Variants in HTR2C observed in about 807,000 individuals in gnomAD.
HTR2C encodes the protein 5-hydroxytryptamine receptor 2C, also known as 5-hydroxytryptamine (serotonin) receptor 2C, G protein-coupled.
A neutral mutation model predicts 21.0 loss-of-function variants in HTR2C; 5 were observed. The ratio of observed to expected loss-of-function variants is 0.24; its 90% confidence interval spans 0.12 to 0.50. HTR2C has a LOEUF of 0.50. Among genes scored for constraint, HTR2C ranks in the 20% least tolerant of loss-of-function variants. The pLI is 0.98. For synonymous variants in HTR2C, 150 were observed against 145.3 expected, an observed-to-expected ratio of 1.03 and a Z score of -0.23; for missense variants, 271 against 371.2, an observed-to-expected ratio of 0.73 and a Z score of 2.22.
At chrX:114,715,243 T>C (rs781890498) in intron 2 of HTR2C, 3 of 368,145 alleles carry the variant, frequency 8.1e-6, no homozygotes, top group Non-Finnish European at 1.1e-5. Context: ...AGACGAGGAG[T>C]TAAGAGTTCA....
intron 4 of HTR2C, among the ~76,000 whole-genome samples, chrX:114,779,368 A>G (rs1356766332): frequency 2.7e-5 from 3 of 111,635 alleles, no homozygotes; most frequent in African/African-American, 9.8e-5. Context: ...AGGTACTAAA[A>G]GAAGACTTCT....
At chrX:114,881,007 T>C (rs1282436547) in intron 5 of HTR2C, among the ~76,000 whole-genome samples, 1 of 110,992 alleles carries the variant, frequency 9.0e-6, no homozygotes, top group Admixed American at 9.6e-5. Context: ...CTTCTTTACA[T>C]CCTTGTCAAT....
Position 114,775,134 on chromosome X carries a change from A to G in HTR2C, c.349+43527A>G. 7.7e-6 allele frequency: 4 copies of G among 522,742 alleles called. No homozygotes were observed. The South Asian group carries it at 9.1e-5, about 12-fold the overall frequency. The allele number at this position is 522,742 out of a possible 1,213,427, so 43.1% of individuals were successfully genotyped here. A position where few individuals can be genotyped will look rare whatever the true frequency, so the allele number is the denominator to read the frequency against. ...TGACTGTTGCTTTCATGTGGAATGCATAGGACTCAAGTGAATTCTTGGATG... is the reference window on the plus strand; with the variant it reads ...TGACTGTTGCTTTCATGTGGAATGCGTAGGACTCAAGTGAATTCTTGGATG... On this transcript the variant is annotated intron_variant, in intron 4 of 5. Transcript: ENST00000276198.
At chrX:114,704,737 T>C (rs1354658757) in intron 2 of HTR2C, among the ~76,000 whole-genome samples, 1 of 110,328 alleles carries the variant, frequency 9.1e-6, no homozygotes, top group African/African-American at 3.3e-5. Context: ...AAATAAAGGG[T>C]ATTCAATTAG....
chrX:114,604,151 TG>T (rs1338956956), intron 1 of HTR2C, among the ~76,000 whole-genome samples: 3 of 106,732 alleles, frequency 2.8e-5, no homozygotes, highest in Non-Finnish European at 5.8e-5. Context: ...TGGGTTAAGG[TG>T]GGGGGATACA....
In HTR2C at chrX:114,726,895, C is replaced by A. The variant is rs183154798; in HGVS notation, c.-42C>A. On this transcript the variant is annotated 5_prime_UTR_variant, in exon 3 of 6. Transcript: ENST00000276198. ...GATGAACCTAGCCTGTTAATTTCGTCTTCTCAATTTTAAACTTTGGTTGCT... is the reference window on the plus strand; with the variant it reads ...GATGAACCTAGCCTGTTAATTTCGTATTCTCAATTTTAAACTTTGGTTGCT... 1.2e-4 allele frequency: 114 copies of A among 965,619 alleles called. No homozygotes were observed. The highest frequency in any genetic ancestry group is 5.7e-6 in the Non-Finnish European group (4 of 704,461). The allele number at this position is 965,619 out of a possible 1,213,427, so 79.6% of individuals were successfully genotyped here.
intron 2 of HTR2C, among the ~76,000 whole-genome samples, chrX:114,653,083 T>C (rs1288512692): frequency 9.2e-6 from 1 of 109,150 alleles, no homozygotes; most frequent in Non-Finnish European, 1.9e-5. Flanking sequence ...GCACATTACA[T>C]TGATATAATA....
intron 5 of HTR2C, among the ~76,000 whole-genome samples, chrX:114,869,001 C>G (rs1161127386): frequency 1.8e-5 from 2 of 108,905 alleles, no homozygotes; most frequent in African/African-American, 6.8e-5. Context: ...AGCCCCCCAA[C>G]CCCTGACAGG....
At chrX:114,672,121 T>C (rs902460603) in intron 2 of HTR2C, among the ~76,000 whole-genome samples, 8 of 112,206 alleles carry the variant, frequency 7.1e-5, no homozygotes, top group Non-Finnish European at 1.1e-4. Context: ...CATTTGCCTT[T>C]ATAAGAGAGA....
chrX:114,728,850 CAT>C (rs1208166660), intron 3 of HTR2C, among the ~76,000 whole-genome samples: 1 of 111,889 alleles, frequency 8.9e-6, no homozygotes, highest in Non-Finnish European at 1.9e-5. Flanking sequence ...TTTTTAGAGA[CAT>C]ATGAATGAAT....
intron 4 of HTR2C, among the ~76,000 whole-genome samples, chrX:114,806,929 T>C (rs1378138188): frequency 2.2e-5 from 2 of 92,859 alleles, no homozygotes; most frequent in African/African-American, 3.8e-5. Context: ...ACCATATATA[T>C]ACCATATGTA....
At chrX:114,726,776 C>T (rs1488255607) in intron 2 of HTR2C, 82 bp from the exon 3 acceptor site, 1 of 407,326 alleles carries the variant, frequency 2.5e-6, no homozygotes, top group African/African-American at 2.7e-5. Context: ...CCATTAAGTG[C>T]ATTTAAGTTT....
chrX:114,586,574 C>G (rs782202763), intron 1 of HTR2C, among the ~76,000 whole-genome samples: 4 of 110,860 alleles, frequency 3.6e-5, no homozygotes, highest in African/African-American at 1.3e-4. Context: ...GCAAAAATGA[C>G]GGTGTTTTTC....
intron 1 of HTR2C, among the ~76,000 whole-genome samples, chrX:114,596,168 C>T (rs376376694): frequency 8.9e-6 from 1 of 112,091 alleles, no homozygotes; most frequent in South Asian, 3.6e-4. Flanking sequence ...ATTGCATACC[C>T]TGGATTTAAA....
intron 5 of HTR2C, among the ~76,000 whole-genome samples, chrX:114,860,284 G>C (rs1337407977): frequency 9.0e-6 from 1 of 110,814 alleles, no homozygotes; most frequent in Non-Finnish European, 1.9e-5. Context: ...TATAAATTTT[G>C]AGGTTATGTT....
At chrX:114,615,674 T>A (rs782023209) in intron 2 of HTR2C, among the ~76,000 whole-genome samples, 2 of 111,884 alleles carry the variant, frequency 1.8e-5, no homozygotes, top group South Asian at 7.5e-4. Flanking sequence ...GCCAATTTCA[T>A]CTTTACTGTC....
chrX:114,855,483 G>A (rs1169854134), intron 5 of HTR2C, among the ~76,000 whole-genome samples: 1 of 110,702 alleles, frequency 9.0e-6, no homozygotes, highest in African/African-American at 3.3e-5. Flanking sequence ...CAATCTCCCA[G>A]AGATGAATAG....
chrX:114,808,665 G>A (rs969246708), intron 4 of HTR2C, among the ~76,000 whole-genome samples: 3 of 111,580 alleles, frequency 2.7e-5, no homozygotes, highest in Admixed American at 9.6e-5. Context: ...CATTTTAACC[G>A]GGGTGAGATG....
chrX:114,639,190 C>A (rs1490211774), intron 2 of HTR2C, among the ~76,000 whole-genome samples: 2 of 111,802 alleles, frequency 1.8e-5, no homozygotes, highest in African/African-American at 6.5e-5. Flanking sequence ...ATATTTTGAT[C>A]AAATTTTTAA....
Sources: allele counts gnomAD v4.1 joint callset (sites outside exome capture counted in the v4.1 genomes callset), GRCh38; gene constraint gnomAD v4.1.1; transcripts MANE v1.5; gene names NCBI Gene and HGNC (gene_info 2026-07-23, HGNC 2026-07-21).